Variants in CERKL observed in about 807,000 individuals in gnomAD.
CERKL encodes CERK like autophagy regulator.
CERKL carries 61 observed loss-of-function variants against 63.4 expected under a neutral mutation model. That is an observed-to-expected ratio of 0.96 (90% CI 0.78 to 1.19). The LOEUF (loss-of-function observed/expected upper bound fraction) is 1.19. CERKL is among the 50% of genes most tolerant of loss of function. The pLI is 0.00. For missense variants in CERKL, 675 were observed against 655.5 expected (o/e 1.03, Z -0.33); for synonymous variants, 250 against 230.5 (o/e 1.08, Z -0.77).
chr2:181,630,005 T>C lies in CERKL; in HGVS notation c.239-25926A>G, dbSNP rs372262154. ...ACAAGAAGCCTCACCTCACTATTAA[T>C]AGGAATTTAAGGGGAAGAATAAAAC... On this transcript the variant is annotated intron_variant, in intron 1 of 12. Transcript: ENST00000410087. Among the ~76,000 whole-genome samples the C allele has an allele frequency of 4.0e-5, 6 of 149,562 alleles. No homozygotes were observed. In the East Asian group the frequency reaches 1.2e-3, roughly 29 times the overall value.
chr2:181,615,569 T>C (rs1686155806), intron 1 of CERKL, among the ~76,000 whole-genome samples: 1 of 152,258 alleles, frequency 6.6e-6, no homozygotes, highest in South Asian at 2.1e-4. Context: ...CAACATAGTG[T>C]ATACACACAC....
chr2:181,604,928 T>C (rs1685615751), intron 1 of CERKL, among the ~76,000 whole-genome samples: 1 of 152,176 alleles, frequency 6.6e-6, no homozygotes, highest in South Asian at 2.1e-4. Flanking sequence ...AAATAATTAT[T>C]GTGGAAAAGA....
At chr2:181,554,394 C>T (rs376688291) in intron 5 of CERKL, among the ~76,000 whole-genome samples, 41 of 152,184 alleles carry the variant, frequency 2.7e-4, no homozygotes, top group African/African-American at 8.7e-4. Flanking sequence ...AACAGTCCCT[C>T]GGCAATATTT....
At chr2:181,631,140 A>G (rs1311493232) in intron 1 of CERKL, among the ~76,000 whole-genome samples, 1 of 152,232 alleles carries the variant, frequency 6.6e-6, no homozygotes. Context: ...TGAAAGCACC[A>G]TTTACAAGAA....
chr2:181,656,996 C>T lies in CERKL; in HGVS notation c.11G>A (p.Arg4Lys). 1 of 1,583,322 alleles carries T rather than the reference C, an allele frequency of 6.3e-7. No individual in the cohort carries two copies. The highest frequency in any genetic ancestry group is 8.5e-7 in the Non-Finnish European group (1 of 1,170,332). The stretch of plus-strand genomic sequence containing the variant: ...GGCACTCACCCGGTTCCTGCGCCTC[C>T]TCCAGGGCATGGCGGAGTCGCAGGC... The part of the protein sequence containing the change: MPW[R>K]RRRNRVSALE... Residue 4 changes from arginine to lysine, a missense_variant, in exon 1 of 13, where the codon AGG (arginine) becomes AAG (lysine). Arg to Lys is a conservative substitution (Grantham distance 26). Coordinates refer to ENST00000410087, the MANE Select transcript of CERKL (RefSeq NM_201548.5).
intron 2 of CERKL, among the ~76,000 whole-genome samples, chr2:181,574,228 CT>C (rs1482535873): frequency 6.6e-6 from 1 of 152,088 alleles, no homozygotes; most frequent in African/African-American, 2.4e-5. Context: ...GCATTTGTTT[CT>C]GGAAAAAAAG....
chr2:181,573,613 G>C lies in CERKL; in HGVS notation c.613+140C>G, dbSNP rs76787045. ...ATAATTAAATTATAACCCTCGAGCT[G>C]GCTGCAGTAGGTTATGAAGACGTAA... On this transcript the variant is annotated intron_variant, in intron 3 of 12. Coordinates refer to ENST00000410087, the MANE Select transcript of CERKL (RefSeq NM_201548.5). The C allele has an allele frequency of 2.5e-3, 1,236 of 503,202 alleles. 12 individuals carry two copies. Among genetic ancestry groups the C allele is most frequent in the African/African-American group, 0.023 (1,136 of 50,258 alleles). The allele number at this position is 503,202 out of a possible 1,614,324, so 31.2% of individuals were successfully genotyped here. A position where few individuals can be genotyped will look rare whatever the true frequency, so the allele number is the denominator to read the frequency against.
chr2:181,560,051 A>G (rs17227031), intron 4 of CERKL, among the ~76,000 whole-genome samples: 60,346 of 152,008 alleles, frequency 0.4, 12,779 homozygotes, highest in African/African-American at 0.53. Flanking sequence ...ATATCAGGTA[A>G]TGTGTTTACT....
intron 11 of CERKL, among the ~76,000 whole-genome samples, chr2:181,541,615 G>A (rs1687509694): frequency 6.6e-6 from 1 of 152,204 alleles, no homozygotes; most frequent in African/African-American, 2.4e-5. Context: ...TTAGAAAAAA[G>A]TTTCTCTAAA....
intron 1 of CERKL, among the ~76,000 whole-genome samples, chr2:181,606,518 GA>G (rs1685719435): frequency 2.2e-5 from 1 of 46,282 alleles, no homozygotes; most frequent in Non-Finnish European, 4.7e-5. Context: ...GAGGGGGGAG[GA>G]GAGGGTAGGG....
At chr2:181,603,583 T>C (rs1201451886) in intron 2 of CERKL, among the ~76,000 whole-genome samples, 5 of 152,182 alleles carry the variant, frequency 3.3e-5, no homozygotes, top group Non-Finnish European at 7.3e-5. Context: ...ATTCCTGGAA[T>C]GCAAGGATGT....
chr2:181,641,293 A>G (rs1360958226), intron 1 of CERKL, among the ~76,000 whole-genome samples: 1 of 143,756 alleles, frequency 7.0e-6, no homozygotes. Flanking sequence ...ATATGTATAT[A>G]TGTGTATGCA....
intron 1 of CERKL, among the ~76,000 whole-genome samples, chr2:181,650,866 A>C (rs1687903281): frequency 6.6e-6 from 1 of 152,236 alleles, no homozygotes; most frequent in Non-Finnish European, 1.5e-5. Flanking sequence ...AATAGAGACT[A>C]AAAATAATTT....
intron 1 of CERKL, among the ~76,000 whole-genome samples, chr2:181,620,415 C>T (rs1343672265): frequency 1.3e-5 from 2 of 152,156 alleles, no homozygotes; most frequent in Admixed American, 6.5e-5. Flanking sequence ...CCAAAGGGTT[C>T]TGCTACTTAG....
At chr2:181,635,446 G>A (rs1460781363) in intron 1 of CERKL, among the ~76,000 whole-genome samples, 3 of 151,976 alleles carry the variant, frequency 2.0e-5, no homozygotes, top group African/African-American at 4.8e-5. Context: ...CTAGATAAAT[G>A]GGTGAGGAAT....
chr2:181,626,930 T>C (rs1178644691), intron 1 of CERKL, among the ~76,000 whole-genome samples: 1 of 152,240 alleles, frequency 6.6e-6, no homozygotes, highest in Non-Finnish European at 1.5e-5. Flanking sequence ...GCTTTCAACA[T>C]AGAGAGGTGA....
intron 4 of CERKL, among the ~76,000 whole-genome samples, chr2:181,560,554 C>T (rs993454032): frequency 6.6e-6 from 1 of 152,070 alleles, no homozygotes; most frequent in Non-Finnish European, 1.5e-5. Context: ...TTCCTAAGCA[C>T]TCTCCATGTA....
intron 1 of CERKL, among the ~76,000 whole-genome samples, chr2:181,652,734 C>G: frequency 1.3e-5 from 2 of 151,166 alleles, no homozygotes; most frequent in Middle Eastern, 3.5e-3. Flanking sequence ...GGGATAAAAT[C>G]CAAAATATAT....
At chr2:181,655,640 T>C (rs1019354195) in intron 1 of CERKL, among the ~76,000 whole-genome samples, 3 of 152,226 alleles carry the variant, frequency 2.0e-5, no homozygotes, top group African/African-American at 2.4e-5. Flanking sequence ...CCCTGGCTAG[T>C]TGGTTTCATT....
Sources: gnomAD v4.1 joint callset for allele counts (sites outside exome capture counted in the v4.1 genomes callset) on GRCh38, gnomAD v4.1.1 for gene constraint, MANE v1.5 for transcripts, NCBI Gene and HGNC (gene_info 2026-07-23, HGNC 2026-07-21) for gene names.